The following KDM4C variants were observed in gnomAD, a reference collection of about 807,000 sequenced individuals.
The protein encoded by KDM4C is lysine-specific demethylase 4C.
Under a neutral mutation model 129.3 loss-of-function variants are expected in KDM4C, and 81 were observed. That is an observed-to-expected ratio of 0.63 (90% CI 0.52 to 0.75). The LOEUF (loss-of-function observed/expected upper bound fraction) is 0.75, where lower values mean the gene tolerates loss of function less well. Among genes scored for constraint, KDM4C ranks in the 30% least tolerant of loss-of-function variants. The pLI is 0.00. For missense variants in KDM4C, 1,457 were observed against 1,304.0 expected, an observed-to-expected ratio of 1.12 and a Z score of -1.81; for synonymous variants, 573 against 456.1, an observed-to-expected ratio of 1.26 and a Z score of -3.26.
At chr9:7,142,362 C>G (rs1484067885) in intron 19 of KDM4C, among the ~76,000 whole-genome samples, 3 of 152,196 alleles carry the variant, frequency 2.0e-5, no homozygotes, top group African/African-American at 7.2e-5. Context: ...AATCCTTCCA[C>G]TTTGGCCTCC....
intron 4 of KDM4C, among the ~76,000 whole-genome samples, chr9:6,816,642 C>G (rs1299584121): frequency 1.3e-5 from 2 of 152,154 alleles, no homozygotes; most frequent in Non-Finnish European, 2.9e-5. Context: ...CTTCCTATAG[C>G]AATGTTTTCA....
intron 3 of KDM4C, among the ~76,000 whole-genome samples, chr9:6,809,744 A>G (rs1830793782): frequency 1.3e-5 from 2 of 152,208 alleles, no homozygotes; most frequent in Non-Finnish European, 2.9e-5. Flanking sequence ...CACACTTGTA[A>G]TCCCAGCACT....
At chr9:7,124,011 G>C (rs573443480) in intron 18 of KDM4C, among the ~76,000 whole-genome samples, 2 of 152,168 alleles carry the variant, frequency 1.3e-5, no homozygotes, top group Admixed American at 1.3e-4. Context: ...AGATGAAGCC[G>C]GTTAGGATTT....
rs1160452348 is a variant in KDM4C, at chr9:6,775,120, A to T, written c.-18+16917A>T. The stretch of plus-strand genomic sequence containing the variant: ...CAACCTCTGCCTCCTGGACTCCAGC[A>T]AGTCTTCTGTCTCAGCCTCCCGAGT... On this transcript the variant is annotated intron_variant, in intron 1 of 21. Coordinates refer to ENST00000381309, the MANE Select transcript of KDM4C (RefSeq NM_015061.6). Among the ~76,000 whole-genome samples the T allele has an allele frequency of 2.6e-5, 4 of 152,260 alleles. No homozygotes were observed. In the East Asian group the frequency reaches 5.8e-4, roughly 22 times the overall value.
At chr9:6,733,456 T>C (rs2918189) in intron 1 of KDM4C, among the ~76,000 whole-genome samples, 87,531 of 152,076 alleles carry the variant, frequency 0.58, 25,623 homozygotes, top group African/African-American at 0.69. Flanking sequence ...TGTGACCCTT[T>C]CACCCAGTAC....
intron 15 of KDM4C, among the ~76,000 whole-genome samples, chr9:7,022,633 A>ATTTC (rs1554702980): frequency 0.082 from 7,291 of 88,814 alleles, 242 homozygotes; most frequent in East Asian, 0.19. Flanking sequence ...CAAACCCTTT[A>ATTTC]TTTCTTTTTT....
chr9:7,019,713 A>AAAAATATTATATTTTATATAT, intron 15 of KDM4C, among the ~76,000 whole-genome samples: 1 of 105,370 alleles, frequency 9.5e-6, no homozygotes, highest in East Asian at 3.6e-4. Context: ...TTTTATATAT[A>AAAAATATTATATTTTATATAT]AAAATATAAT....
chr9:6,829,108 T>C (rs1383501715), intron 4 of KDM4C, among the ~76,000 whole-genome samples: 1 of 152,226 alleles, frequency 6.6e-6, no homozygotes, highest in Non-Finnish European at 1.5e-5. Flanking sequence ...ACTGGTTAGC[T>C]TGAGAGTCAT....
At chr9:7,038,198 G>A (rs934641687) in intron 15 of KDM4C, among the ~76,000 whole-genome samples, 2 of 151,982 alleles carry the variant, frequency 1.3e-5, no homozygotes, top group African/African-American at 4.8e-5. Flanking sequence ...TTGTAAAAAG[G>A]TTTAATTTCT....
chr9:6,875,530 A>G (rs1843416772), intron 5 of KDM4C, among the ~76,000 whole-genome samples: 1 of 152,208 alleles, frequency 6.6e-6, no homozygotes, highest in Admixed American at 6.5e-5. Context: ...TAAGTGGGTA[A>G]TGATACTTAT....
intron 1 of KDM4C, among the ~76,000 whole-genome samples, chr9:6,734,419 C>T (rs958904212): frequency 2.6e-5 from 4 of 151,828 alleles, no homozygotes; most frequent in East Asian, 3.9e-4. Flanking sequence ...CTCAGCCTCC[C>T]GAGTAGCTGG....
chr9:7,110,365 A>C (rs1006568427), intron 18 of KDM4C, among the ~76,000 whole-genome samples: 6 of 152,104 alleles, frequency 3.9e-5, no homozygotes, highest in African/African-American at 1.4e-4. Flanking sequence ...ATTTTTTTTC[A>C]AATGGTTCAG....
In KDM4C at chr9:7,053,353, A is replaced by C. The variant is rs527746280; in HGVS notation, c.2424+4153A>C. Among the ~76,000 whole-genome samples the C allele has an allele frequency of 2.0e-5, 3 of 152,326 alleles. No homozygotes were observed. The East Asian group carries it at 5.8e-4, about 29-fold the overall frequency. On this transcript the variant is annotated intron_variant, in intron 17 of 21. Transcript: ENST00000381309. ...GGAGAATTTTGTGGCGGATACAGGA[A>C]AGGATTTGTTTACTTGAGCAGATTT...
intron 1 of KDM4C, among the ~76,000 whole-genome samples, chr9:6,759,622 C>A (rs1215112602): frequency 6.6e-6 from 1 of 152,112 alleles, no homozygotes; most frequent in Non-Finnish European, 1.5e-5. Flanking sequence ...AGACTTATTT[C>A]TTTTTATTAA....
intron 15 of KDM4C, among the ~76,000 whole-genome samples, chr9:7,028,586 C>G (rs140366790): frequency 6.6e-6 from 1 of 151,992 alleles, no homozygotes; most frequent in Non-Finnish European, 1.5e-5. Context: ...TCAGCTGCCT[C>G]GACTGGTGTC....
At chr9:6,798,829 C>T (rs1342672041) in intron 2 of KDM4C, among the ~76,000 whole-genome samples, 1 of 151,878 alleles carries the variant, frequency 6.6e-6, no homozygotes, top group African/African-American at 2.4e-5. Flanking sequence ...GGCAGAGGCG[C>T]CCCTCACTTC....
intron 1 of KDM4C, among the ~76,000 whole-genome samples, chr9:6,744,503 G>A (rs541840108): frequency 2.5e-4 from 38 of 152,062 alleles, no homozygotes; most frequent in South Asian, 4.2e-4. Flanking sequence ...CCAGTGTGGC[G>A]ACAAAGTGAG....
intron 1 of KDM4C, among the ~76,000 whole-genome samples, chr9:6,772,885 G>A (rs1417252222): frequency 7.2e-6 from 1 of 139,696 alleles, no homozygotes; most frequent in Non-Finnish European, 1.6e-5. Flanking sequence ...TAGTAGAGAT[G>A]GGGTTTCACC....
intron 1 of KDM4C, among the ~76,000 whole-genome samples, chr9:6,771,069 C>T (rs1186238735): frequency 7.1e-6 from 1 of 140,834 alleles, no homozygotes; most frequent in African/African-American, 2.7e-5. Context: ...CCACTGCGCC[C>T]GACTGTGAAT....
Sources: allele counts gnomAD v4.1 joint callset (sites outside exome capture counted in the v4.1 genomes callset), GRCh38; gene constraint gnomAD v4.1.1; transcripts MANE v1.5; gene names NCBI Gene and HGNC (gene_info 2026-07-23, HGNC 2026-07-21).